Variants in TGM2 observed in about 807,000 individuals in gnomAD.
TGM2 encodes the protein protein-glutamine gamma-glutamyltransferase 2.
In TGM2, 53 loss-of-function variants were observed where a neutral mutation model predicts 75.6. That is an observed-to-expected ratio of 0.70 (90% confidence interval 0.56 to 0.88). TGM2 has a LOEUF of 0.88. Among genes scored for constraint, TGM2 ranks in the 40% least tolerant of loss-of-function variants. TGM2 has a pLI of 0.00. For synonymous variants in TGM2, 374 were observed against 381.1 expected (o/e 0.98, Z 0.22); for missense variants, 842 against 928.5 (o/e 0.91, Z 1.21).
intron 7 of TGM2, 118 bp downstream of exon 7, chr20:38,141,946 T>C: frequency 3.1e-6 from 4 of 1,293,284 alleles, no homozygotes; most frequent in Middle Eastern, 1.8e-4. Context: ...CCTGCTCAAA[T>C]ACTGCTGAAC....
chr20:38,149,460 G>A (rs1055901972), intron 4 of TGM2, among the ~76,000 whole-genome samples: 76 of 152,100 alleles, frequency 5.0e-4, no homozygotes, highest in Middle Eastern at 3.4e-3. Context: ...GGCGGATCAC[G>A]AGGTCAGGAG....
intron 9 of TGM2, among the ~76,000 whole-genome samples, 187 bp from the exon 10 acceptor site, chr20:38,138,572 A>G (rs45514891): frequency 6.6e-6 from 1 of 151,932 alleles, no homozygotes; most frequent in Non-Finnish European, 1.5e-5. Flanking sequence ...ACTCCTATAC[A>G]TCCCTCAAGA....
At position 38,141,177 on chromosome 20, in the gene TGM2, G is replaced by T. The variant is rs970008902; in HGVS notation, c.1099+105C>A. ...CCACCCTTCTGTGGACCCATCAGTG[G>T]TCTCCGGGTGAGCTCCTAGTTCTGC... On this transcript the variant is annotated intron_variant, in intron 8 of 12. Transcript: ENST00000361475. 2.0e-5 allele frequency: 17 copies of T among 848,860 alleles called. No individual in the cohort carries two copies. The East Asian group carries it at 4.5e-4, about 23-fold the overall frequency. The allele number at this position is 848,860 out of a possible 1,614,324, so 52.6% of individuals were successfully genotyped here.
intron 2 of TGM2, among the ~76,000 whole-genome samples, chr20:38,158,121 G>T (rs1331567918): frequency 1.3e-5 from 2 of 152,176 alleles, no homozygotes; most frequent in South Asian, 4.1e-4. Context: ...CAATGATCTG[G>T]TCTCTGTGGC....
Position 38,139,526 on chromosome 20 carries a change from C to T in TGM2, c.1228G>A (p.Gly410Arg). ...DVVDWIQQDD[G>R]SVHKSINRSL... ...CGGTTGATGGATTTGTGCACAGACC[C>T]ATCGTCCTGCTGGATCCAGTCTACC... The change falls in exon 9 of 13, where the codon GGG becomes AGG. Residue 410 changes from glycine (G) to arginine (R), a missense_variant. Physicochemically the swap from Gly to Arg is moderately radical, Grantham distance 125. Transcript: ENST00000361475. The T allele has an allele frequency of 1.2e-6, 2 of 1,614,202 alleles. No homozygotes were observed. Among genetic ancestry groups the T allele is most frequent in the Non-Finnish European group, 8.5e-7 (1 of 1,180,038 alleles).
chr20:38,138,454 C>G (rs1249259072), intron 9 of TGM2, 69 bp from the exon 10 acceptor site: 3 of 1,608,856 alleles, frequency 1.9e-6, no homozygotes, highest in African/African-American at 2.7e-5. Context: ...TGCAACAGGG[C>G]GAGCTGTCTT....
intron 1 of TGM2, 123 bp downstream of exon 1, chr20:38,165,066 C>T: frequency 1.4e-6 from 2 of 1,453,688 alleles, no homozygotes; most frequent in Non-Finnish European, 1.9e-6. Flanking sequence ...GAGACGCCTC[C>T]TCACCCAGCC....
chr20:38,153,468 T>C (rs1254507396), intron 3 of TGM2, among the ~76,000 whole-genome samples: 2 of 140,390 alleles, frequency 1.4e-5, no homozygotes, highest in African/African-American at 5.5e-5. Flanking sequence ...GAGGTTGGAG[T>C]GAGGCGAGAT....
intron 11 of TGM2, 137 bp from the exon 12 acceptor site, chr20:38,131,366 C>T (rs2074830720): frequency 1.6e-6 from 2 of 1,238,750 alleles, no homozygotes; most frequent in East Asian, 2.5e-5. Context: ...CTCCCCCCAC[C>T]TCTGTGCCTC....
rs560404522 is a variant in TGM2 at position 38,142,297 on chromosome 20, T to A, written c.860-98A>T. On this transcript the variant is annotated intron_variant, in intron 6 of 12. Coordinates refer to ENST00000361475, the MANE Select transcript of TGM2 (RefSeq NM_004613.4). ...TCTGCATTCCAGGGAACACTGTACC[T>A]GCTGTCCAAGTGCTGAGAACATGAG... The A allele has an allele frequency of 3.8e-6, 6 of 1,571,016 alleles. No homozygotes were observed. In the South Asian group the frequency reaches 6.9e-5, roughly 18 times the overall value.
rs773067443 is a variant in TGM2, at chr20:38,146,807, T to G, written c.769A>C (p.Ser257Arg). 1.9e-6 allele frequency: 3 copies of G among 1,614,028 alleles called. No individual in the cohort carries two copies. The South Asian group carries it at 3.3e-5, about 18-fold the overall frequency. ...DGVSPMSWIG[S>R]VDILRRWKNH... ...TTCCAGCGCCGCAGGATGTCCACGC[T>G]GCCGATCCAGGACATGGGGCTGACG... The change falls in exon 6 of 13, where the codon AGC becomes CGC. Residue 257 changes from serine to arginine, a missense_variant. Physicochemically the swap from Ser to Arg is moderately radical, Grantham distance 110. Transcript: ENST00000361475.
chr20:38,139,344 A>C, intron 9 of TGM2, 68 bp downstream of exon 9: 1 of 1,611,916 alleles, frequency 6.2e-7, no homozygotes, highest in Non-Finnish European at 8.5e-7. Flanking sequence ...CACATACACG[A>C]GCCTGCCGGG....
chr20:38,165,006 G>A (rs1317341755), intron 1 of TGM2, among the ~76,000 whole-genome samples, 183 bp downstream of exon 1: 2 of 152,244 alleles, frequency 1.3e-5, no homozygotes, highest in African/African-American at 4.8e-5. Flanking sequence ...GGAGGCAAGG[G>A]TTAATGGTTA....
chr20:38,130,775 G>A (rs754304221), intron 12 of TGM2, among the ~76,000 whole-genome samples: 1 of 152,252 alleles, frequency 6.6e-6, no homozygotes, highest in Non-Finnish European at 1.5e-5. Context: ...ATGCATATGT[G>A]TGTGCATGCT....
Position 38,139,429 on chromosome 20 carries a change from G to A in TGM2, c.1325C>T (p.Thr442Ile). The change falls in exon 9 of 13, where the codon ACC becomes ATC. Residue 442 changes from threonine to isoleucine, a missense_variant. Thr to Ile is a moderately conservative substitution (Grantham distance 89). Transcript: ENST00000361475. ...GRDEREDITH[T>I]YKYPEGSSEE... The stretch of plus-strand genomic sequence containing the variant: ...GCACATACCCTCTGGGTATTTGTAG[G>A]TGTGGGTGATATCCTCCCGCTCGTC... 1.2e-6 allele frequency: 2 copies of A among 1,614,190 alleles called. No individual in the cohort carries two copies. Among genetic ancestry groups the A allele is most frequent in the Non-Finnish European group, 1.7e-6 (2 of 1,180,034 alleles).
chr20:38,141,730 C>T (rs1262931538), intron 7 of TGM2, among the ~76,000 whole-genome samples: 1 of 151,798 alleles, frequency 6.6e-6, no homozygotes, highest in South Asian at 2.1e-4. Context: ...CCCAGCCCCC[C>T]GCCCATCTCT....
chr20:38,133,335 C>A (rs2074859613), intron 10 of TGM2: 1 of 164,706 alleles, frequency 6.1e-6, no homozygotes, highest in African/African-American at 2.4e-5. Flanking sequence ...GGGGAGATGA[C>A]CTCCCCTCTC....
At chr20:38,165,436 G>T, upstream of TGM2, 1 of 591,240 alleles carries the variant, frequency 1.7e-6, no homozygotes, top group East Asian at 3.0e-5. Flanking sequence ...GAGGGACGGC[G>T]GCCGGACGAG....
rs569713434 is a variant in TGM2 at position 38,148,386 on chromosome 20, G to A, written c.553-297C>T. On this transcript the variant is annotated intron_variant, in intron 4 of 12. Transcript: ENST00000361475. ...CAGGAGCCCATGGAGTGGGCAGCCCGGTGTCCCTGGGGCTCCCCCTCAGAG... is the reference window on the plus strand; with the variant it reads ...CAGGAGCCCATGGAGTGGGCAGCCCAGTGTCCCTGGGGCTCCCCCTCAGAG... 1.3e-4 allele frequency among the ~76,000 whole-genome samples: 20 copies of A among 152,234 alleles called. 1 individual carries two copies. The highest frequency in any genetic ancestry group is 3.9e-4 in the Admixed American group (6 of 15,298).
Sources: gnomAD v4.1 joint callset for allele counts (sites outside exome capture counted in the v4.1 genomes callset) on GRCh38, gnomAD v4.1.1 for gene constraint, MANE v1.5 for transcripts, NCBI Gene and HGNC (gene_info 2026-07-23, HGNC 2026-07-21) for gene names.